The following ADAMTSL1 variants were observed in gnomAD, a reference collection of about 807,000 sequenced individuals.
ADAMTSL1 encodes ADAMTS like 1, also known as ADAMTS-like protein 1.
A neutral mutation model predicts 201.8 loss-of-function variants in ADAMTSL1; 126 were observed. The ratio of observed to expected loss-of-function variants is 0.62; its 90% CI spans 0.54 to 0.72. ADAMTSL1 has a LOEUF of 0.72. Among genes scored for constraint, ADAMTSL1 ranks in the 30% least tolerant of loss-of-function variants. The probability of loss-of-function intolerance (pLI) is 0.00; values close to 1 mark genes in which losing one functional copy is unlikely to be tolerated. For synonymous variants in ADAMTSL1, 1,121 were observed against 903.4 expected, an observed-to-expected ratio of 1.24 and a Z score of -4.32; for missense variants, 2,679 against 2,277.8, an observed-to-expected ratio of 1.18 and a Z score of -3.59.
intron 20 of ADAMTSL1, among the ~76,000 whole-genome samples, chr9:18,805,621 C>G (rs1383300973): frequency 2.0e-5 from 3 of 152,190 alleles, no homozygotes; most frequent in Non-Finnish European, 4.4e-5. Context: ...GGGTACTTAG[C>G]TATACTATGC....
intron 1 of ADAMTSL1, among the ~76,000 whole-genome samples, chr9:17,915,149 T>C (rs1036808961): frequency 3.3e-5 from 5 of 152,184 alleles, no homozygotes; most frequent in Admixed American, 6.5e-5. Context: ...ACCCTGAAGT[T>C]TCCTCATTAC....
chr9:18,806,540 C>G (rs1051523684), intron 20 of ADAMTSL1, among the ~76,000 whole-genome samples: 8 of 152,242 alleles, frequency 5.3e-5, no homozygotes, highest in Admixed American at 4.6e-4. Context: ...TTACAATGCT[C>G]TCTACTCTTG....
At chr9:18,144,879 G>A (rs1488424925) in intron 1 of ADAMTSL1, among the ~76,000 whole-genome samples, 1 of 152,120 alleles carries the variant, frequency 6.6e-6, no homozygotes, top group Non-Finnish European at 1.5e-5. Flanking sequence ...CTATGATGGA[G>A]TTACAGCAAA....
intron 2 of ADAMTSL1, among the ~76,000 whole-genome samples, chr9:18,369,923 A>G (rs1836966791): frequency 2.6e-5 from 4 of 152,182 alleles, no homozygotes; most frequent in Admixed American, 2.6e-4. Flanking sequence ...ATCAAATACT[A>G]AATGTTCTCA....
At chr9:18,437,828 G>A (rs771580305) in intron 2 of ADAMTSL1, among the ~76,000 whole-genome samples, 2 of 152,158 alleles carry the variant, frequency 1.3e-5, no homozygotes, top group Non-Finnish European at 2.9e-5. Flanking sequence ...CACAGCCCCT[G>A]CCTGCTAGCT....
chr9:18,907,141 C>G (rs1267498037), intron 28 of ADAMTSL1: 3 of 547,486 alleles, frequency 5.5e-6, no homozygotes, highest in Non-Finnish European at 9.7e-6. Context: ...CATCCTGGCC[C>G]TGAGAGAGCC....
intron 2 of ADAMTSL1, among the ~76,000 whole-genome samples, chr9:18,165,460 T>C (rs1827590022): frequency 6.6e-6 from 1 of 151,960 alleles, no homozygotes; most frequent in Non-Finnish European, 1.5e-5. Context: ...AACATTATTA[T>C]TACTACCTAA....
At position 18,800,276 on chromosome 9, in the gene ADAMTSL1, C is replaced by G. The variant is rs112951855; in HGVS notation, c.3805+4752C>G. On this transcript the variant is annotated intron_variant, in intron 20 of 28. Coordinates refer to ENST00000380548, the MANE Select transcript of ADAMTSL1 (RefSeq NM_001040272.6). ...CCTGTAATCCCAGCTACTCAGAAGGCTGAGGCAGGAGAATCGCTTGAACCC... is the reference window on the plus strand; with the variant it reads ...CCTGTAATCCCAGCTACTCAGAAGGGTGAGGCAGGAGAATCGCTTGAACCC... 1.2e-3 allele frequency among the ~76,000 whole-genome samples: 180 copies of G among 146,864 alleles called. 3 individuals carry two copies. The highest frequency in any genetic ancestry group is 7.3e-3 in the Middle Eastern group (2 of 274).
intron 1 of ADAMTSL1, among the ~76,000 whole-genome samples, chr9:17,985,650 T>A (rs1020768825): frequency 2.0e-5 from 3 of 152,118 alleles, no homozygotes; most frequent in Non-Finnish European, 4.4e-5. Context: ...AATGAGCAAC[T>A]TTGCATATAT....
At chr9:18,731,558 G>A (rs1475806565) in intron 15 of ADAMTSL1, among the ~76,000 whole-genome samples, 1 of 152,138 alleles carries the variant, frequency 6.6e-6, no homozygotes, top group Non-Finnish European at 1.5e-5. Context: ...TTGAGCTCAG[G>A]AGGTCAAGGC....
intron 2 of ADAMTSL1, among the ~76,000 whole-genome samples, chr9:18,308,882 A>G (rs893935765): frequency 6.6e-6 from 1 of 152,180 alleles, no homozygotes; most frequent in African/African-American, 2.4e-5. Flanking sequence ...GACATAGCAA[A>G]AAAAGAAAAT....
chr9:18,211,081 G>A (rs549637993), intron 2 of ADAMTSL1, among the ~76,000 whole-genome samples: 2 of 152,100 alleles, frequency 1.3e-5, no homozygotes, highest in South Asian at 4.2e-4. Context: ...GTCCCTAGAC[G>A]ACCTCTCTAA....
chr9:18,504,946 C>G lies in ADAMTSL1; in HGVS notation c.181C>G (p.Leu61Val). 1 of 1,608,632 alleles carries G rather than the reference C, an allele frequency of 6.2e-7. No individual in the cohort carries two copies. The highest frequency in any genetic ancestry group is 8.5e-7 in the Non-Finnish European group (1 of 1,179,028). Residue 61 changes from leucine (L) to valine (V), a missense_variant, in exon 2 of 29, where the codon CTG becomes GTG. By Grantham distance (32) the Leu-to-Val change is conservative. Coordinates refer to ENST00000380548, the MANE Select transcript of ADAMTSL1 (RefSeq NM_001040272.6). Reference protein sequence around the residue: ...GGASYSLRRCLSSKSCEGRNI... With the variant: ...GGASYSLRRCVSSKSCEGRNI... ...GGCCTCCTACTCTCTGAGGCGCTGC[C>G]TGAGCAGCAAGTAAGTCCTGCACCC...
chr9:18,482,520 G>T (rs1821779971), intron 1 of ADAMTSL1, among the ~76,000 whole-genome samples: 1 of 152,088 alleles, frequency 6.6e-6, no homozygotes, highest in South Asian at 2.1e-4. Flanking sequence ...ATAAATGTTG[G>T]GATGAAAAGA....
At chr9:18,146,161 T>G (rs987176039) in intron 1 of ADAMTSL1, among the ~76,000 whole-genome samples, 1 of 152,160 alleles carries the variant, frequency 6.6e-6, no homozygotes, top group East Asian at 1.9e-4. Flanking sequence ...TGAAAGATTG[T>G]TTGGCAGTTT....
chr9:18,894,361 T>TTTTTTTG (rs1829481799), intron 26 of ADAMTSL1, among the ~76,000 whole-genome samples: 1 of 150,356 alleles, frequency 6.7e-6, no homozygotes, highest in Non-Finnish European at 1.5e-5. Context: ...TTTTTTTTTT[T>TTTTTTTG]GAAAAAGGTA....
chr9:18,178,496 C>G (rs56935695), intron 2 of ADAMTSL1, among the ~76,000 whole-genome samples: 7 of 150,494 alleles, frequency 4.7e-5, no homozygotes, highest in South Asian at 2.1e-4. Context: ...ACAAAGCAGC[C>G]GGGAAGCTCG....
rs560602172 is a variant in ADAMTSL1 at position 18,276,082 on chromosome 9, G to C, written c.207+112101G>C. ...CAGGTTTAGCCACCAAAAGTCTTTA[G>C]TTATCCCAGTGGTTGTGTACTGATA... is the stretch of plus-strand genomic sequence containing the variant. On this transcript the variant is annotated intron_variant, in intron 2 of 29. Coordinates refer to the ADAMTSL1 transcript ENST00000680146. Among the ~76,000 whole-genome samples the C allele has an allele frequency of 2.6e-5, 4 of 152,000 alleles. No homozygotes were observed. The South Asian group carries it at 8.3e-4, about 32-fold the overall frequency.
At chr9:18,246,055 G>A (rs1015608746) in intron 2 of ADAMTSL1, among the ~76,000 whole-genome samples, 3 of 152,010 alleles carry the variant, frequency 2.0e-5, no homozygotes, top group Non-Finnish European at 4.4e-5. Context: ...CGGCTGCTGT[G>A]GGTAAATTAC....
Sources: gnomAD v4.1 joint callset for allele counts (sites outside exome capture counted in the v4.1 genomes callset) on GRCh38, gnomAD v4.1.1 for gene constraint, MANE v1.5 for transcripts, NCBI Gene and HGNC (gene_info 2026-07-23, HGNC 2026-07-21) for gene names.